RRP1: variants seen among roughly 807,000 people sequenced by gnomAD.
RRP1 encodes ribosomal RNA processing protein 1 homolog A.
Under a neutral mutation model 54.6 loss-of-function variants are expected in RRP1, and 37 were observed. The ratio of observed to expected loss-of-function variants is 0.68; its 90% CI spans 0.52 to 0.89. The LOEUF is 0.89. RRP1 is among the 40% of genes least tolerant of loss of function. The pLI is 0.00. For synonymous variants in RRP1, 262 were observed against 244.3 expected (o/e 1.07, Z -0.67); for missense variants, 639 against 612.5 (o/e 1.04, Z -0.46).
intron 11 of RRP1, among the ~76,000 whole-genome samples, chr21:43,801,713 C>T (rs1601874785): frequency 6.6e-6 from 1 of 152,146 alleles, no homozygotes; most frequent in East Asian, 1.9e-4. Flanking sequence ...GGACAGCGCG[C>T]GTCAGTGAGG....
chr21:43,789,724 T>C lies in RRP1; in HGVS notation c.95T>C (p.Leu32Pro). ...QVTRDRAVRKLRKYIVARTQR... is the reference protein window; with the variant it reads ...QVTRDRAVRKPRKYIVARTQR... ...ACCCGGGACCGGGCGGTGAGGAAGC[T>C]CCGGAAATACATCGTCGCCAGGACT... The change falls in exon 1 of 13, where the codon CTC becomes CCC. Residue 32 changes from leucine to proline, a missense_variant. By Grantham distance (98) the Leu-to-Pro change is moderately conservative. Coordinates refer to ENST00000497547, the MANE Select transcript of RRP1 (RefSeq NM_003683.6). 6.5e-7 allele frequency: 1 copy of C among 1,542,748 alleles called. No individual in the cohort carries two copies.
intron 1 of RRP1, chr21:43,790,863 G>A (rs2084949487): frequency 5.1e-6 from 2 of 394,656 alleles, no homozygotes; most frequent in Non-Finnish European, 1.0e-5. Flanking sequence ...AGTGCTGGGA[G>A]TACAGGCGTG....
Position 43,797,852 on chromosome 21 carries a change from C to T in RRP1, c.618-55C>T, listed in dbSNP as rs150012530. ...AGGTTGCAGGGGAGTCGGCGGCTTC[C>T]GCTTGGGAATCCAGCATAACGGGCC... On this transcript the variant is annotated intron_variant, in intron 7 of 12. Transcript: ENST00000497547. 2.5e-4 allele frequency: 394 copies of T among 1,583,852 alleles called. 5 individuals carry two copies. The African/African-American group carries it at 3.8e-3, about 15-fold the overall frequency.
In RRP1 at chr21:43,798,201, C is replaced by T. The variant is rs962628625; in HGVS notation, c.811+101C>T. On this transcript the variant is annotated intron_variant, in intron 8 of 12. Transcript: ENST00000497547. The stretch of plus-strand genomic sequence containing the variant: ...CTCCTGCCACCTCCTACCTGGTCCC[C>T]TTGTCTCTGCCCCTCTCCACAGTCC... The T allele has an allele frequency of 1.9e-5, 19 of 985,852 alleles. No individual in the cohort carries two copies. In the Middle Eastern group the frequency reaches 1.3e-3, roughly 67 times the overall value. 61.1% of individuals were successfully genotyped at this position (985,852 alleles called of 1,614,324 possible).
At chr21:43,799,533 G>C in intron 8 of RRP1, 37 bp from the exon 9 acceptor site, 4 of 1,535,170 alleles carry the variant, frequency 2.6e-6, no homozygotes, top group Non-Finnish European at 3.5e-6. Context: ...GCACACGTTG[G>C]GCACAGGTAG....
Position 43,795,173 on chromosome 21 carries a change from TC to T in RRP1, c.361-14del. On this transcript the variant is annotated splice_polypyrimidine_tract_variant and intron_variant, in intron 4 of 12. Transcript: ENST00000497547. The stretch of plus-strand genomic sequence containing the variant: ...GGCTGGGCTTCTGCTAATGCCAACC[TC>T]CTTCTGTGTCAAAGCTCATGCGGAT... 1 of 1,613,470 alleles carries T rather than the reference TC, an allele frequency of 6.2e-7. No homozygotes were observed. The highest frequency in any genetic ancestry group is 8.5e-7 in the Non-Finnish European group (1 of 1,179,446).
Position 43,803,679 on chromosome 21 carries a change from C to T in RRP1, c.1291C>T (p.Arg431Cys), listed in dbSNP as rs766713616. The T allele has an allele frequency of 3.0e-5, 46 of 1,552,124 alleles. No homozygotes were observed. The highest frequency in any genetic ancestry group is 3.6e-5 in the South Asian group (3 of 84,202). The change falls in exon 13 of 13, where the codon CGC becomes TGC. Residue 431 changes from arginine to cysteine, a missense_variant. Coordinates refer to ENST00000497547, the MANE Select transcript of RRP1 (RefSeq NM_003683.6). ...QPRGRGQRGA[R>C]QRRRTPRPLT... The stretch of plus-strand genomic sequence containing the variant: ...CAGGGGCCGTGGCCAGAGAGGGGCT[C>T]GCCAGAGAAGGAGGACACCTCGGCC...
At chr21:43,802,185 G>C in intron 11 of RRP1, 89 bp from the exon 12 acceptor site, 1 of 896,286 alleles carries the variant, frequency 1.1e-6, no homozygotes, top group South Asian at 1.4e-5. Flanking sequence ...TCAGGAGGTG[G>C]TGCTGGCTGG....
chr21:43,803,627 T>C lies in RRP1; in HGVS notation c.1239T>C (p.Ala413=). 1.9e-6 allele frequency: 3 copies of C among 1,550,972 alleles called. No homozygotes were observed. The highest frequency in any genetic ancestry group is 1.7e-6 in the Non-Finnish European group (2 of 1,147,762). Reference sequence around the variant, plus strand: ...AGGCTGGTGAGCAGCCAGGCACAGCTGAGCGGGCCCTGCTCCGAGATCAGC... The same window carrying C: ...AGGCTGGTGAGCAGCCAGGCACAGCCGAGCGGGCCCTGCTCCGAGATCAGC... ...RAEAGEQPGT[A]ERALLRDQPR... is the part of the protein sequence containing the mutation. Residue 413 remains alanine (A), a synonymous_variant, in exon 13 of 13, where the codon GCT becomes GCC. Transcript: ENST00000497547.
chr21:43,793,534 T>G (rs1601867352), intron 4 of RRP1, 130 bp downstream of exon 4: 1 of 711,004 alleles, frequency 1.4e-6, no homozygotes, highest in Non-Finnish European at 2.4e-6. Flanking sequence ...GGGTGGGAGG[T>G]GGAGCCGAGA....
rs182992524 is a variant in RRP1 at position 43,792,872 on chromosome 21, G to A, written c.274+143G>A. Reference sequence around the variant, plus strand: ...AAGAGAGCGCCAGCTGGTGTCTGTGGGTGCTTAGCATGTGTGCAGTGCTGG... The same window carrying A: ...AAGAGAGCGCCAGCTGGTGTCTGTGAGTGCTTAGCATGTGTGCAGTGCTGG... On this transcript the variant is annotated intron_variant, in intron 3 of 12. Transcript: ENST00000497547. 1,563 of 823,164 alleles carry A rather than the reference G, an allele frequency of 1.9e-3. 31 individuals are homozygous for A. The highest frequency in any genetic ancestry group is 0.017 in the South Asian group (1,061 of 63,976). 51.0% of individuals were successfully genotyped at this position (823,164 alleles called of 1,614,324 possible).
chr21:43,798,027 C>G lies in RRP1; in HGVS notation c.738C>G (p.Asp246Glu). Residue 246 changes from aspartate (D) to glutamate (E), a missense_variant, in exon 8 of 13, where the codon GAC becomes GAG. By Grantham distance (45) the Asp-to-Glu change is conservative. Coordinates refer to ENST00000497547, the MANE Select transcript of RRP1 (RefSeq NM_003683.6). ...LDTQDEEVAS[D>E]SDESSEGGER... ...CACAGGATGAGGAGGTGGCGTCGGA[C>G]AGTGATGAGTCCTCTGAGGGTGGTG... The G allele has an allele frequency of 6.2e-7, 1 of 1,614,172 alleles. No homozygotes were observed. The highest frequency in any genetic ancestry group is 8.5e-7 in the Non-Finnish European group (1 of 1,180,024).
In RRP1 at chr21:43,795,210, G is replaced by A. The variant is rs367993051; in HGVS notation, c.382G>A (p.Glu128Lys). The change falls in exon 5 of 13, where the codon GAG (glutamate) becomes AAG (lysine). Residue 128 changes from glutamate to lysine, a missense_variant. By Grantham distance (56) the Glu-to-Lys change is moderately conservative. Coordinates refer to ENST00000497547, the MANE Select transcript of RRP1 (RefSeq NM_003683.6). Reference sequence around the variant, plus strand: ...AAAGCTCATGCGGATGGTCCTGAACGAGTCCTTGAAGGTTCTGAAGATGCA... The same window carrying A: ...AAAGCTCATGCGGATGGTCCTGAACAAGTCCTTGAAGGTTCTGAAGATGCA... ...FYMLMRMVLN[E>K]SLKVLKMQGW... 4.3e-6 allele frequency: 7 copies of A among 1,613,972 alleles called. No homozygotes were observed. The highest frequency in any genetic ancestry group is 2.2e-5 in the South Asian group (2 of 91,070).
At position 43,793,389 on chromosome 21, in the gene RRP1, G is replaced by A; in HGVS notation, c.345G>A (p.Leu115=). 3 of 1,613,586 alleles carry A rather than the reference G, an allele frequency of 1.9e-6. No individual in the cohort carries two copies. The highest frequency in any genetic ancestry group is 1.7e-5 in the Admixed American group (1 of 60,022). Reference sequence around the variant, plus strand: ...GGACGGGCATTGACAGGCTGCGCCTGGATAAATTCTACATGGTGAGGCAGC... The same window carrying A: ...GGACGGGCATTGACAGGCTGCGCCTAGATAAATTCTACATGGTGAGGCAGC... ...REWTGIDRLR[L]DKFYMLMRMV... The change falls in exon 4 of 13, where the codon CTG becomes CTA. Residue 115 remains leucine (L), a synonymous_variant. Coordinates refer to ENST00000497547, the MANE Select transcript of RRP1 (RefSeq NM_003683.6).
chr21:43,791,331 C>T lies in RRP1; in HGVS notation c.134-19C>T, dbSNP rs745336654. ...AGGTGTGGGATTCATTTGGTCCAAC[C>T]GTTGCTGTTTTGATGCAGGTGGTTT... is the stretch of plus-strand genomic sequence containing the variant. On this transcript the variant is annotated intron_variant, in intron 1 of 12. Coordinates refer to ENST00000497547, the MANE Select transcript of RRP1 (RefSeq NM_003683.6). 35 of 1,612,766 alleles carry T rather than the reference C, an allele frequency of 2.2e-5. No individual in the cohort carries two copies. The Middle Eastern group carries it at 4.9e-4, about 23-fold the overall frequency.
chr21:43,791,909 A>G (rs1277479083), intron 2 of RRP1, among the ~76,000 whole-genome samples: 1 of 152,090 alleles, frequency 6.6e-6, no homozygotes, highest in Non-Finnish European at 1.5e-5. Flanking sequence ...GGTGAGTCTT[A>G]CACTTGCTGA....
intron 1 of RRP1, chr21:43,791,145 T>TA: frequency 1.6e-6 from 1 of 644,836 alleles, no homozygotes; most frequent in Non-Finnish European, 2.9e-6. Context: ...AAGTAGCAGT[T>TA]ACCTGGAGTA....
intron 1 of RRP1, among the ~76,000 whole-genome samples, chr21:43,789,970 C>G (rs950411579): frequency 6.6e-6 from 1 of 152,206 alleles, no homozygotes; most frequent in Non-Finnish European, 1.5e-5. Context: ...GACTCTGGTC[C>G]CTCTGCGAGA....
At chr21:43,792,166 C>T (rs952740140) in intron 2 of RRP1, among the ~76,000 whole-genome samples, 1 of 152,182 alleles carries the variant, frequency 6.6e-6, no homozygotes, top group Non-Finnish European at 1.5e-5. Flanking sequence ...GTTCAGGTTC[C>T]TGGGCCATAT....
Sources: gnomAD v4.1 joint callset for allele counts (sites outside exome capture counted in the v4.1 genomes callset) on GRCh38, gnomAD v4.1.1 for gene constraint, MANE v1.5 for transcripts, NCBI Gene and HGNC (gene_info 2026-07-23, HGNC 2026-07-21) for gene names.